The following PHLDB2 variants were observed in gnomAD, a reference collection of about 807,000 sequenced individuals.
PHLDB2 encodes the protein pleckstrin homology-like domain family B member 2.
In PHLDB2, 71 loss-of-function variants were observed where a neutral mutation model predicts 123.6. The observed-to-expected ratio is 0.57, with a 90% CI of 0.47 to 0.70. The LOEUF is 0.70. Ranked by LOEUF, PHLDB2 falls within the 30% of genes least tolerant of loss-of-function variation. The pLI is 0.00. For synonymous variants in PHLDB2, 547 were observed against 541.6 expected, an observed-to-expected ratio of 1.01 and a Z score of -0.14; for missense variants, 1,446 against 1,519.5, an observed-to-expected ratio of 0.95 and a Z score of 0.80.
At chr3:111,913,816 T>C (rs1369098104) in intron 3 of PHLDB2, 114 bp downstream of exon 3, 3 of 1,373,622 alleles carry the variant, frequency 2.2e-6, no homozygotes, top group Non-Finnish European at 2.9e-6. Flanking sequence ...TTCAGTGAAA[T>C]TTCAATTTAA....
intron 1 of PHLDB2, among the ~76,000 whole-genome samples, chr3:111,812,948 A>G (rs2061906568): frequency 6.6e-6 from 1 of 152,216 alleles, no homozygotes; most frequent in Non-Finnish European, 1.5e-5. Flanking sequence ...TGCTTCCCCC[A>G]TAGCATTATC....
intron 9 of PHLDB2, among the ~76,000 whole-genome samples, chr3:111,948,500 T>C (rs181073507): frequency 1.3e-5 from 2 of 152,206 alleles, no homozygotes; most frequent in South Asian, 2.1e-4. Flanking sequence ...AATCTAAGAA[T>C]GAAGATTTGT....
rs763581391 is a variant in PHLDB2, at chr3:111,913,697, C to T, written c.1714C>T (p.Pro572Ser). The change falls in exon 3 of 18, where the codon CCA becomes TCA. Residue 572 changes from proline (P) to serine (S), a missense_variant. Pro to Ser is a moderately conservative substitution (Grantham distance 74). Around this residue, in one of 3 missense-constraint regions of PHLDB2, gnomAD observed 832 missense variants for 831.9 expected, o/e 1.00. Transcript: ENST00000431670. ...CGAGTCCTCTTATCTAAGTATCCTA[C>T]CAAAGGTAATGTTGGCCCAGCAAAG... The part of the protein sequence containing the change: ...SSESSYLSIL[P>S]KTPEGISEEQ... 3 of 1,610,868 alleles carry T rather than the reference C, an allele frequency of 1.9e-6. No individual in the cohort carries two copies. The East Asian group carries it at 6.7e-5, about 36-fold the overall frequency.
chr3:111,850,879 CCAGT>C (rs533448209), intron 2 of PHLDB2, among the ~76,000 whole-genome samples: 22 of 152,256 alleles, frequency 1.4e-4, no homozygotes, highest in African/African-American at 5.3e-4. Context: ...ACATAAATCT[CCAGT>C]CAGAGTTGAG....
chr3:111,945,386 T>G lies in PHLDB2; in HGVS notation c.2487+29T>G, dbSNP rs747050387. 2.7e-6 allele frequency: 4 copies of G among 1,477,676 alleles called. No individual in the cohort carries two copies. The South Asian group carries it at 4.6e-5, about 17-fold the overall frequency. The allele number at this position is 1,477,676 out of a possible 1,614,324, so 91.5% of individuals were successfully genotyped here. On this transcript the variant is annotated intron_variant, in intron 9 of 17. Transcript: ENST00000431670. ...AGCTATGATTTTACATGTCGCTTTATGTTGCCTTAGAAATCAGGAGATGTA... is the reference window on the plus strand; with the variant it reads ...AGCTATGATTTTACATGTCGCTTTAGGTTGCCTTAGAAATCAGGAGATGTA...
At chr3:111,781,069 A>G (rs1213977840) in intron 1 of PHLDB2, among the ~76,000 whole-genome samples, 1 of 151,406 alleles carries the variant, frequency 6.6e-6, no homozygotes, top group Admixed American at 6.6e-5. Context: ...CTTCCTCAAC[A>G]TTAAAATGTA....
intron 9 of PHLDB2, among the ~76,000 whole-genome samples, chr3:111,948,197 G>T (rs1418937736): frequency 6.6e-6 from 1 of 152,068 alleles, no homozygotes; most frequent in Non-Finnish European, 1.5e-5. Flanking sequence ...GGTTAGGGAG[G>T]CTGCCTTGAA....
chr3:111,913,609 A>G lies in PHLDB2; in HGVS notation c.1626A>G (p.Glu542=), dbSNP rs759751318. 1.9e-6 allele frequency: 3 copies of G among 1,614,016 alleles called. No individual in the cohort carries two copies. Among genetic ancestry groups the G allele is most frequent in the Non-Finnish European group, 2.5e-6 (3 of 1,180,024 alleles). The change falls in exon 3 of 18, where the codon GAA becomes GAG. Residue 542 remains glutamate, a synonymous_variant. Transcript: ENST00000431670. ...CCCCCAGGAGCACCAGGAATGATGA[A>G]CTACTCAGTGACCTCACCCGGACTC... ...FFTPRSTRND[E]LLSDLTRTPP...
At chr3:111,920,123 G>C (rs1449248761) in intron 4 of PHLDB2, among the ~76,000 whole-genome samples, 159 bp from the exon 5 acceptor site, 1 of 152,176 alleles carries the variant, frequency 6.6e-6, no homozygotes, top group Non-Finnish European at 1.5e-5. Context: ...TGGGAATCTT[G>C]CTTTCACATG....
chr3:111,776,271 T>C (rs150562460), intron 1 of PHLDB2, among the ~76,000 whole-genome samples: 31 of 152,192 alleles, frequency 2.0e-4, no homozygotes, highest in African/African-American at 7.5e-4. Context: ...GTCAATCAAG[T>C]GGCACTAGGG....
chr3:111,810,253 G>A (rs1405792280), intron 1 of PHLDB2, among the ~76,000 whole-genome samples: 3 of 152,110 alleles, frequency 2.0e-5, no homozygotes, highest in Non-Finnish European at 4.4e-5. Flanking sequence ...GGGCCTATCT[G>A]GGACCATATT....
Position 111,920,150 on chromosome 3 carries a change from C to G in PHLDB2, c.1864-132C>G. On this transcript the variant is annotated intron_variant, in intron 4 of 17. Transcript: ENST00000431670. Reference sequence around the variant, plus strand: ...TTTCACATGGGCTCTCTGGAGTGTTCTCAGGCACCCGATCTGGCTGCTACA... The same window carrying G: ...TTTCACATGGGCTCTCTGGAGTGTTGTCAGGCACCCGATCTGGCTGCTACA... 4.1e-6 allele frequency: 4 copies of G among 979,026 alleles called. No homozygotes were observed. In the South Asian group the frequency reaches 6.1e-5, roughly 15 times the overall value. The allele number at this position is 979,026 out of a possible 1,614,324, so 60.6% of individuals were successfully genotyped here. A position where few individuals can be genotyped will look rare whatever the true frequency, so the allele number is the denominator to read the frequency against.
rs2064691023 is a variant in PHLDB2 at position 111,859,583 on chromosome 3, A to C, written c.-15+7A>C. ...GGGCTGCACCAATGGCCAGGTGAGG[A>C]GGCGGCGGTGGTCGCCCGGGAGGAG... On this transcript the variant is annotated splice_region_variant and intron_variant, in intron 1 of 17. Coordinates refer to ENST00000431670, the MANE Select transcript of PHLDB2 (RefSeq NM_001134438.2). 1 of 985,402 alleles carries C rather than the reference A, an allele frequency of 1.0e-6. No individual in the cohort carries two copies. Among genetic ancestry groups the C allele is most frequent in the South Asian group, 4.7e-5 (1 of 21,296 alleles). The allele number at this position is 985,402 out of a possible 1,614,324, so 61.0% of individuals were successfully genotyped here.
intron 1 of PHLDB2, among the ~76,000 whole-genome samples, chr3:111,758,116 C>G (rs1024982178): frequency 3.3e-5 from 5 of 152,078 alleles, no homozygotes; most frequent in Non-Finnish European, 5.9e-5. Flanking sequence ...GCTGGGAGAA[C>G]CACTGCTCTC....
rs543237397 is a variant in PHLDB2 at position 111,932,907 on chromosome 3, T to TA, written c.2130+513dup. ...AACTAATTAGCCCAATCCCAACAAT[T>TA]AAACACCAAGACCCAAGATGCAGGG... On this transcript the variant is annotated intron_variant, in intron 6 of 17. Transcript: ENST00000431670. Among the ~76,000 whole-genome samples the TA allele has an allele frequency of 2.6e-5, 4 of 152,328 alleles. No individual in the cohort carries two copies. The East Asian group carries it at 7.7e-4, about 29-fold the overall frequency.
intron 1 of PHLDB2, among the ~76,000 whole-genome samples, chr3:111,816,928 G>T (rs562792318): frequency 1.1e-3 from 174 of 152,292 alleles, no homozygotes; most frequent in African/African-American, 4.1e-3. Context: ...GTGTTCTCAT[G>T]ATAATGAATG....
rs745651114 is a variant in PHLDB2, at chr3:111,884,993, T to A, written c.916T>A (p.Ser306Thr). The A allele has an allele frequency of 6.2e-7, 1 of 1,614,130 alleles. No individual in the cohort carries two copies. The highest frequency in any genetic ancestry group is 1.7e-5 in the Admixed American group (1 of 60,014). Residue 306 changes from serine to threonine, a missense_variant, in exon 2 of 18, where the codon TCT becomes ACT. Ser to Thr is a moderately conservative substitution (Grantham distance 58). Coordinates refer to ENST00000431670, the MANE Select transcript of PHLDB2 (RefSeq NM_001134438.2). ...IDNDNYLNFS[S>T]LSSGALPYKT... Reference sequence around the variant, plus strand: ...CAATGACAATTACCTTAATTTTTCTTCTTTGAGCTCAGGGGCTTTACCCTA... The same window carrying A: ...CAATGACAATTACCTTAATTTTTCTACTTTGAGCTCAGGGGCTTTACCCTA...
At chr3:111,850,161 G>A (rs112939632) in intron 2 of PHLDB2, among the ~76,000 whole-genome samples, 6 of 152,068 alleles carry the variant, frequency 3.9e-5, no homozygotes, top group African/African-American at 9.6e-5. Context: ...GCGCCCAGCC[G>A]CTGGAGGCCA....
upstream of PHLDB2, among the ~76,000 whole-genome samples, chr3:111,856,289 G>C (rs2064504130): frequency 6.6e-6 from 1 of 152,160 alleles, no homozygotes; most frequent in South Asian, 2.1e-4. Context: ...ATATCCCCTA[G>C]TAACATTCAT....
Sources: gnomAD v4.1 joint callset for allele counts (sites outside exome capture counted in the v4.1 genomes callset) on GRCh38, gnomAD v4.1.1 for gene constraint, gnomAD v4.1.1 regional missense constraint, MANE v1.5 for transcripts, NCBI Gene and HGNC (gene_info 2026-07-23, HGNC 2026-07-21) for gene names.